The following SMARCA2 variants were observed in gnomAD, a reference collection of about 807,000 sequenced individuals.
SMARCA2 encodes SWI/SNF related BAF chromatin remodeling complex subunit ATPase 2.
SMARCA2 carries 61 observed loss-of-function variants against 199.8 expected under a neutral mutation model. That is an observed-to-expected ratio of 0.31 (90% confidence interval 0.25 to 0.38). SMARCA2 has a LOEUF of 0.38. Among genes scored for constraint, SMARCA2 ranks in the 10% least tolerant of loss-of-function variants. SMARCA2 has a pLI of 1.00. For synonymous variants in SMARCA2, 935 were observed against 732.0 expected, an observed-to-expected ratio of 1.28 and a Z score of -4.48; for missense variants, 1,344 against 2,012.2, an observed-to-expected ratio of 0.67 and a Z score of 6.35.
At chr9:2,071,096 A>G (rs762368805) in intron 10 of SMARCA2, among the ~76,000 whole-genome samples, 2 of 152,186 alleles carry the variant, frequency 1.3e-5, no homozygotes, top group Non-Finnish European at 2.9e-5. Context: ...CCAGAGCAGG[A>G]TGGGAAGGGA....
intron 19 of SMARCA2, 145 bp from the exon 20 acceptor site, chr9:2,096,512 C>G (rs372345348): frequency 2.5e-5 from 15 of 608,940 alleles, no homozygotes; most frequent in South Asian, 2.3e-4. Flanking sequence ...TCTAACACCC[C>G]CATCTCACCC....
At chr9:2,159,202 C>G (rs1268136918) in intron 27 of SMARCA2, among the ~76,000 whole-genome samples, 1 of 152,056 alleles carries the variant, frequency 6.6e-6, no homozygotes, top group Admixed American at 6.6e-5. Context: ...TAGAAATATC[C>G]TTTTTACAAC....
chr9:2,176,029 C>T (rs564547389), intron 29 of SMARCA2, among the ~76,000 whole-genome samples: 12 of 151,898 alleles, frequency 7.9e-5, no homozygotes, highest in East Asian at 1.9e-4. Flanking sequence ...TATAGCCATG[C>T]GCCACCATAC....
chr9:2,085,229 A>G (rs923066923), intron 17 of SMARCA2, among the ~76,000 whole-genome samples: 2 of 152,204 alleles, frequency 1.3e-5, no homozygotes, highest in African/African-American at 2.4e-5. Flanking sequence ...AGTGTCAAAA[A>G]TGATGTGTTT....
rs768881518 is a variant in SMARCA2, at chr9:2,063,184, AG to A, written c.1692+2203del. The stretch of plus-strand genomic sequence containing the variant: ...CTTACTGGGAGAAGTGGGACAAAGA[AG>A]GGGGAAGAAAAAAAGAAAAGAAACT... On this transcript the variant is annotated intron_variant, in intron 9 of 33. Transcript: ENST00000349721. Among the ~76,000 whole-genome samples the A allele has an allele frequency of 4.6e-5, 7 of 152,176 alleles. No homozygotes were observed. In the East Asian group the frequency reaches 1.2e-3, roughly 25 times the overall value.
chr9:2,100,142 T>A (rs1822448127), intron 21 of SMARCA2, among the ~76,000 whole-genome samples: 1 of 152,210 alleles, frequency 6.6e-6, no homozygotes, highest in Non-Finnish European at 1.5e-5. Context: ...GTGGCTGATG[T>A]GAAGGTGTAA....
intron 33 of SMARCA2, 185 bp from the exon 34 acceptor site, chr9:2,192,519 A>AAACT: frequency 1.6e-6 from 1 of 631,808 alleles, no homozygotes; most frequent in Non-Finnish European, 2.8e-6. Context: ...TCAGTAAGAA[A>AAACT]AACTTCTCAG....
chr9:2,039,619 G>T lies in SMARCA2; in HGVS notation c.509G>T (p.Gly170Val). ...CAGGCCATGAGCCAGCCCAACAGAGGTCCCTCACCTTTCAGTCCTGTCCAG... is the reference window on the plus strand; with the variant it reads ...CAGGCCATGAGCCAGCCCAACAGAGTTCCCTCACCTTTCAGTCCTGTCCAG... ...DPQAMSQPNR[G>V]PSPFSPVQLH... is the part of the protein sequence containing the mutation. The change falls in exon 4 of 34, where the codon GGT becomes GTT. Residue 170 changes from glycine (G) to valine (V), a missense_variant. Gly to Val is a moderately radical substitution (Grantham distance 109). This residue lies in a region of SMARCA2 where 275 missense variants were observed against 247.5 expected (regional missense o/e 1.11). Coordinates refer to ENST00000349721, the MANE Select transcript of SMARCA2 (RefSeq NM_003070.5). The surrounding 1 kb of genome is among the most constrained non-coding windows in gnomAD (Gnocchi z 4.8). 6.2e-7 allele frequency: 1 copy of T among 1,614,148 alleles called. No homozygotes were observed.
intron 2 of SMARCA2, among the ~76,000 whole-genome samples, chr9:2,031,861 C>G (rs1316734342): frequency 6.6e-6 from 1 of 152,182 alleles, no homozygotes; most frequent in East Asian, 1.9e-4. Flanking sequence ...ATTCTTCCTT[C>G]TTCCTCTGAG....
At chr9:2,177,703 C>T (rs1216072739) in intron 29 of SMARCA2, among the ~76,000 whole-genome samples, 2 of 151,888 alleles carry the variant, frequency 1.3e-5, no homozygotes, top group Admixed American at 6.5e-5. Flanking sequence ...CAGGCATGCG[C>T]CACCACACCC....
rs571447358 is a variant in SMARCA2, at chr9:2,157,648, A to G, written c.3982-4038A>G. On this transcript the variant is annotated intron_variant, in intron 27 of 33. Coordinates refer to ENST00000349721, the MANE Select transcript of SMARCA2 (RefSeq NM_003070.5). ...TTTCAGTGTTAAGATGGTTTGTTCC[A>G]CTGTAAGGACTGTGCCACATGGCTT... 3.7e-5 allele frequency: 14 copies of G among 373,648 alleles called. No individual in the cohort carries two copies. In the East Asian group the frequency reaches 5.0e-4, roughly 13 times the overall value. 23.1% of individuals were successfully genotyped at this position (373,648 alleles called of 1,614,324 possible).
intron 26 of SMARCA2, among the ~76,000 whole-genome samples, chr9:2,121,280 A>G (rs1464965403): frequency 6.6e-6 from 1 of 152,208 alleles, no homozygotes; most frequent in African/African-American, 2.4e-5. Context: ...ATTTGGGACT[A>G]TTTTACCACT....
At position 2,086,147 on chromosome 9, in the gene SMARCA2, A is replaced by G. The variant is rs1314769156; in HGVS notation, c.2527-682A>G. 1 of 152,364 alleles carries G rather than the reference A, an allele frequency of 6.6e-6. No individual in the cohort carries two copies. Among genetic ancestry groups the G allele is most frequent in the African/African-American group, 2.4e-5 (1 of 41,452 alleles). 9.4% of individuals were successfully genotyped at this position (152,364 alleles called of 1,614,324 possible). Reference sequence around the variant, plus strand: ...TTATTTTAGATAAAACAGGGGTCCTAGATCTGGCAGGTAAGGAATGTGCGT... The same window carrying G: ...TTATTTTAGATAAAACAGGGGTCCTGGATCTGGCAGGTAAGGAATGTGCGT... On this transcript the variant is annotated intron_variant, in intron 17 of 33. Coordinates refer to ENST00000349721, the MANE Select transcript of SMARCA2 (RefSeq NM_003070.5). The surrounding 1 kb of genome is among the most constrained non-coding windows in gnomAD (Gnocchi z 4.3).
At chr9:2,096,856 T>A (rs1346955245) in intron 20 of SMARCA2, 92 bp downstream of exon 20, 5 of 810,236 alleles carry the variant, frequency 6.2e-6, no homozygotes. Flanking sequence ...TCCCTGCTAA[T>A]GCTGATTTGT....
At chr9:2,175,436 T>G (rs1185690379) in intron 29 of SMARCA2, among the ~76,000 whole-genome samples, 1 of 152,044 alleles carries the variant, frequency 6.6e-6, no homozygotes, top group Non-Finnish European at 1.5e-5. Flanking sequence ...AAAAGAAGAT[T>G]CTGATGGTTG....
chr9:2,058,229 G>C (rs1450202424), intron 7 of SMARCA2, 62 bp from the exon 8 acceptor site: 3 of 1,428,514 alleles, frequency 2.1e-6, no homozygotes, highest in Admixed American at 1.7e-5. Flanking sequence ...AACACTGATA[G>C]CTCAGAGGAC....
At chr9:2,177,170 A>C (rs16937852) in intron 29 of SMARCA2, among the ~76,000 whole-genome samples, 64,385 of 152,010 alleles carry the variant, frequency 0.42, 15,322 homozygotes, top group Admixed American at 0.53. Context: ...ACCTGAAAAG[A>C]AGCAGCACAC....
chr9:2,026,073 C>G (rs1451765557), intron 1 of SMARCA2, among the ~76,000 whole-genome samples: 6 of 152,108 alleles, frequency 3.9e-5, no homozygotes, highest in African/African-American at 1.2e-4. Flanking sequence ...AGTCAGGACC[C>G]CAGACGAAAG....
At position 2,114,311 on chromosome 9, in the gene SMARCA2, A is replaced by G. The variant is rs192604249; in HGVS notation, c.3457-1511A>G. Among the ~76,000 whole-genome samples, 7 of 152,326 alleles carry G rather than the reference A, an allele frequency of 4.6e-5. No homozygotes were observed. The East Asian group carries it at 1.4e-3, about 29-fold the overall frequency. ...ATGATATTTATATTAACTTATTCAA[A>G]TATCTGCTGAGGAAGAAGTTTTGCC... On this transcript the variant is annotated intron_variant, in intron 24 of 33. Transcript: ENST00000349721.
Sources: allele counts gnomAD v4.1 joint callset (sites outside exome capture counted in the v4.1 genomes callset), GRCh38; gene constraint gnomAD v4.1.1; regional missense constraint gnomAD v4.1.1; non-coding constraint Gnocchi (gnomAD v3.1); transcripts MANE v1.5; gene names NCBI Gene and HGNC (gene_info 2026-07-23, HGNC 2026-07-21).